The following PTPN21 variants were observed in gnomAD, a reference collection of about 807,000 sequenced individuals.
The protein encoded by PTPN21 is tyrosine-protein phosphatase non-receptor type 21.
In PTPN21, 77 loss-of-function variants were observed where a neutral mutation model predicts 131.8. The ratio of observed to expected loss-of-function variants is 0.58; its 90% CI spans 0.49 to 0.71. PTPN21 has a LOEUF of 0.71. PTPN21 is among the 30% of genes least tolerant of loss of function. The probability of loss-of-function intolerance (pLI) is 0.00; values close to 1 mark genes in which losing one functional copy is unlikely to be tolerated. For missense variants in PTPN21, 1,552 were observed against 1,527.1 expected (o/e 1.02, Z -0.27); for synonymous variants, 715 against 621.3 (o/e 1.15, Z -2.24).
At chr14:88,534,975 C>T (rs1014289916) in intron 2 of PTPN21, among the ~76,000 whole-genome samples, 3 of 152,152 alleles carry the variant, frequency 2.0e-5, no homozygotes, top group Admixed American at 1.3e-4. Flanking sequence ...ACTTCCTAGG[C>T]CTTCGTATTC....
At chr14:88,472,754 C>T (rs1157451637) in intron 14 of PTPN21, among the ~76,000 whole-genome samples, 1 of 151,978 alleles carries the variant, frequency 6.6e-6, no homozygotes, top group Non-Finnish European at 1.5e-5. Flanking sequence ...CCTGTGGTCC[C>T]ATCTACTTGG....
At chr14:88,473,999 C>G (rs1194177941) in intron 13 of PTPN21, 197 bp from the exon 14 acceptor site, 1 of 496,364 alleles carries the variant, frequency 2.0e-6, no homozygotes, top group African/African-American at 2.0e-5. Flanking sequence ...AGGCCAAAGC[C>G]CTGATAAAGT....
At position 88,479,294 on chromosome 14, in the gene PTPN21, C is replaced by T. The variant is rs1240822636; in HGVS notation, c.2137G>A (p.Glu713Lys). Reference sequence around the variant, plus strand: ...TCCTCGAAGTCCTCGTCCTCCTCCTCCTCGCTGCTGTGGATTAGCATGGTG... The same window carrying T: ...TCCTCGAAGTCCTCGTCCTCCTCCTTCTCGCTGCTGTGGATTAGCATGGTG... The part of the protein sequence containing the change: ...DATMLIHSSE[E>K]EEDEDFEEES... The change falls in exon 13 of 19, where the codon GAG (glutamate) becomes AAG (lysine). Residue 713 changes from glutamate (E) to lysine (K), a missense_variant. Glu to Lys is a moderately conservative substitution (Grantham distance 56). This residue lies in a region of PTPN21 where 1,016 missense variants were observed against 883.5 expected (regional missense o/e 1.15). Coordinates refer to ENST00000556564, the MANE Select transcript of PTPN21 (RefSeq NM_007039.4). 2 of 1,613,294 alleles carry T rather than the reference C, an allele frequency of 1.2e-6. No individual in the cohort carries two copies. The highest frequency in any genetic ancestry group is 1.3e-5 in the African/African-American group (1 of 74,914).
chr14:88,510,040 C>G (rs540925679), intron 3 of PTPN21, among the ~76,000 whole-genome samples: 113 of 152,024 alleles, frequency 7.4e-4, no homozygotes, highest in African/African-American at 2.7e-3. Flanking sequence ...TGTCTCAAAA[C>G]AAAAAACAAA....
intron 6 of PTPN21, among the ~76,000 whole-genome samples, chr14:88,503,548 C>T (rs1183159381): frequency 6.6e-6 from 1 of 152,156 alleles, no homozygotes; most frequent in Non-Finnish European, 1.5e-5. Context: ...CGCAACTATT[C>T]TGTTTTTCAC....
chr14:88,475,309 A>T (rs2077534222), intron 13 of PTPN21, among the ~76,000 whole-genome samples: 1 of 152,188 alleles, frequency 6.6e-6, no homozygotes, highest in Admixed American at 6.5e-5. Context: ...AAAAATCCTA[A>T]AAGATTGCTG....
intron 3 of PTPN21, among the ~76,000 whole-genome samples, chr14:88,513,289 T>C (rs1352560976): frequency 6.6e-6 from 1 of 152,162 alleles, no homozygotes; most frequent in African/African-American, 2.4e-5. Context: ...CTCAGTCTCC[T>C]GAGCAGCTGG....
In PTPN21 at chr14:88,550,279, C is replaced by T. The variant is rs1411159811; in HGVS notation, c.139G>A (p.Glu47Lys). The T allele has an allele frequency of 2.5e-6, 4 of 1,614,060 alleles. No homozygotes were observed. The highest frequency in any genetic ancestry group is 1.3e-5 in the African/African-American group (1 of 74,932). The change falls in exon 2 of 19, where the codon GAA becomes AAA. Residue 47 changes from glutamate to lysine, a missense_variant. Transcript: ENST00000556564. ...FTLSVESTGQESLEAVAQRLE... is the reference protein window; with the variant it reads ...FTLSVESTGQKSLEAVAQRLE... ...CTCTGGGCCACGGCCTCGAGGCTTT[C>T]CTGGCCAGTGCTCTCCACGGACAGG...
chr14:88,478,788 G>A (rs2077583981), intron 13 of PTPN21, 132 bp downstream of exon 13: 1 of 501,822 alleles, frequency 2.0e-6, no homozygotes, highest in Admixed American at 4.0e-5. Flanking sequence ...TAGACAAAAA[G>A]AGAGTGACGT....
At chr14:88,550,101 A>T in intron 2 of PTPN21, 137 bp downstream of exon 2, 1 of 869,352 alleles carries the variant, frequency 1.2e-6, no homozygotes, top group South Asian at 1.7e-5. Context: ...TTTAGTAGAG[A>T]CAGGGTTTCA....
chr14:88,495,583 C>G (rs774818432), intron 10 of PTPN21, among the ~76,000 whole-genome samples: 11 of 152,228 alleles, frequency 7.2e-5, no homozygotes, highest in Non-Finnish European at 1.6e-4. Flanking sequence ...TCACTTGAAC[C>G]GGGGGCTCAG....
chr14:88,469,197 G>C lies in PTPN21; in HGVS notation c.3236-121C>G, dbSNP rs985853040. 1.3e-5 allele frequency: 15 copies of C among 1,157,018 alleles called. No homozygotes were observed. Among genetic ancestry groups the C allele is most frequent in the Non-Finnish European group, 1.6e-5 (13 of 831,586 alleles). 71.7% of individuals were successfully genotyped at this position (1,157,018 alleles called of 1,614,324 possible). ...TGCAGATAAAGAGCACTGGGTGCCA[G>C]TGAACCAAACCCAACCACAAAGGGA... On this transcript the variant is annotated intron_variant, in intron 17 of 18. Transcript: ENST00000556564. This position sits in a 1 kb window ranked among gnomAD's most constrained non-coding sequence, Gnocchi z 4.3.
At chr14:88,477,385 G>C (rs1218165997) in intron 13 of PTPN21, among the ~76,000 whole-genome samples, 2 of 133,516 alleles carry the variant, frequency 1.5e-5, no homozygotes, top group African/African-American at 5.4e-5. Context: ...GGAGGCAGAG[G>C]TTGCAGTGAA....
intron 2 of PTPN21, among the ~76,000 whole-genome samples, chr14:88,521,017 T>C (rs1566841443): frequency 6.8e-6 from 1 of 148,122 alleles, no homozygotes; most frequent in African/African-American, 2.4e-5. Flanking sequence ...TATATATATA[T>C]ATTTTTTTTG....
At chr14:88,542,302 T>C (rs1171411496) in intron 2 of PTPN21, among the ~76,000 whole-genome samples, 2 of 152,212 alleles carry the variant, frequency 1.3e-5, no homozygotes, top group African/African-American at 4.8e-5. Context: ...TTAGAAGGAA[T>C]GGAATCTGAT....
Position 88,484,751 on chromosome 14 carries a change from G to A in PTPN21, c.1078+325C>T, listed in dbSNP as rs140039988. Among the ~76,000 whole-genome samples the A allele has an allele frequency of 1.9e-3, 282 of 152,204 alleles. 3 individuals are homozygous for A. In the South Asian group the frequency reaches 0.02, roughly 11 times the overall value. ...TAAAAAATACAAAAATTAGCCAGGC[G>A]TGGTGGCGTGCCTGTAGTCCCAGCT... On this transcript the variant is annotated intron_variant, in intron 12 of 18. Coordinates refer to ENST00000556564, the MANE Select transcript of PTPN21 (RefSeq NM_007039.4).
chr14:88,475,256 T>C (rs1796331211), intron 13 of PTPN21, among the ~76,000 whole-genome samples: 1 of 152,114 alleles, frequency 6.6e-6, no homozygotes. Flanking sequence ...CCCATGATAA[T>C]GGTGCAAGAA....
intron 2 of PTPN21, among the ~76,000 whole-genome samples, chr14:88,538,600 C>A (rs943610857): frequency 1.3e-5 from 2 of 152,130 alleles, no homozygotes; most frequent in African/African-American, 4.8e-5. Context: ...TAAATGATAA[C>A]AAATATCTCC....
intron 2 of PTPN21, among the ~76,000 whole-genome samples, chr14:88,532,248 C>A (rs1051426040): frequency 6.6e-6 from 1 of 152,142 alleles, no homozygotes; most frequent in Non-Finnish European, 1.5e-5. Context: ...GGAATCCTCC[C>A]TAAATCATTC....
Sources: allele counts gnomAD v4.1 joint callset (sites outside exome capture counted in the v4.1 genomes callset), GRCh38; gene constraint gnomAD v4.1.1; regional missense constraint gnomAD v4.1.1; non-coding constraint Gnocchi (gnomAD v3.1); transcripts MANE v1.5; gene names NCBI Gene and HGNC (gene_info 2026-07-23, HGNC 2026-07-21).